KRABD1: variants seen among roughly 807,000 people sequenced by gnomAD.
KRABD1 encodes KRAB domain containing 1.
chr3:42,938,628 A>G, the KRABD1 span: 2 of 341,598 alleles, frequency 5.9e-6, no homozygotes, highest in Admixed American at 3.9e-5. Context: ...CTGAAATTAT[A>G]GTTTTCTCAG....
At chr3:42,939,904 T>G in the KRABD1 span, among the ~76,000 whole-genome samples, 5 of 152,346 alleles carry the variant, frequency 3.3e-5, no homozygotes, top group East Asian at 9.6e-4. Context: ...GTTTCTTATT[T>G]ATTGTAAGTC....
the KRABD1 span, chr3:42,941,468 G>A: frequency 8.9e-7 from 1 of 1,127,252 alleles, no homozygotes; most frequent in Non-Finnish European, 1.2e-6. Flanking sequence ...GAAAGCCCTG[G>A]TGTCTATTGA....
chr3:42,939,528 T>G, the KRABD1 span, among the ~76,000 whole-genome samples: 1 of 152,210 alleles, frequency 6.6e-6, no homozygotes, highest in African/African-American at 2.4e-5. Flanking sequence ...CAGTGAACAT[T>G]CTTATCTTTT....
At chr3:42,938,989 AT>A in the KRABD1 span, 1 of 1,244,356 alleles carries the variant, frequency 8.0e-7, no homozygotes, top group Non-Finnish European at 1.1e-6. Context: ...ATATGTGTTT[AT>A]TAGATACATA....
chr3:42,942,438 T>C, the KRABD1 span: 1 of 430,552 alleles, frequency 2.3e-6, no homozygotes, highest in Non-Finnish European at 4.1e-6. Flanking sequence ...GAAAAATTTA[T>C]TTTTGTTTTT....
the KRABD1 span, chr3:42,937,024 T>G: frequency 6.6e-6 from 1 of 152,212 alleles, no homozygotes; most frequent in Non-Finnish European, 1.5e-5. Flanking sequence ...ATAAGAATGT[T>G]AAATCTAAAA....
the KRABD1 span, among the ~76,000 whole-genome samples, chr3:42,940,264 G>A: frequency 6.6e-6 from 1 of 152,158 alleles, no homozygotes; most frequent in African/African-American, 2.4e-5. Context: ...TAGTTACTTT[G>A]TCATACATTT....
At chr3:42,939,020 C>A in the KRABD1 span, 1 of 939,574 alleles carries the variant, frequency 1.1e-6, no homozygotes, top group Non-Finnish European at 1.6e-6. Context: ...ATCTATATTA[C>A]ACATTTACAT....
the KRABD1 span, among the ~76,000 whole-genome samples, chr3:42,939,381 C>T: frequency 2.6e-5 from 4 of 152,280 alleles, no homozygotes; most frequent in Admixed American, 6.5e-5. Context: ...ACTTCACTGA[C>T]GTTGTTGCAC....
At chr3:42,942,777 C>T in the KRABD1 span, 1 of 374,904 alleles carries the variant, frequency 2.7e-6, no homozygotes, top group Non-Finnish European at 4.7e-6. Flanking sequence ...TAAAATAACT[C>T]ATTTTGATGT....
At chr3:42,937,058 C>T in the KRABD1 span, 14 of 152,318 alleles carry the variant, frequency 9.2e-5, no homozygotes, top group East Asian at 2.1e-3. Flanking sequence ...CCGTCATGCA[C>T]CTAATGTGTG....
At chr3:42,941,314 A>T in the KRABD1 span, 4 of 1,600,002 alleles carry the variant, frequency 2.5e-6, no homozygotes, top group Non-Finnish European at 2.5e-6. Flanking sequence ...TTGTACAGGG[A>T]TGTGATGCTG....
chr3:42,942,218 A>G, the KRABD1 span: 4 of 646,204 alleles, frequency 6.2e-6, no homozygotes, highest in South Asian at 1.8e-5. Flanking sequence ...TGTGTTATTC[A>G]TAGCTTCCCA....
At chr3:42,936,994 C>G in the KRABD1 span, 2 of 152,098 alleles carry the variant, frequency 1.3e-5, no homozygotes, top group African/African-American at 2.4e-5. Flanking sequence ...AATATGGAGC[C>G]CTGCGATCTG....
the KRABD1 span, chr3:42,938,926 C>CCCCATTTTCCT: frequency 6.5e-7 from 1 of 1,531,172 alleles, no homozygotes; most frequent in Admixed American, 2.0e-5. Context: ...AACAACCAGG[C>CCCCATTTTCCT]CCCAGGTGAG....
chr3:42,941,543 G>A, the KRABD1 span, among the ~76,000 whole-genome samples: 6 of 152,048 alleles, frequency 3.9e-5, no homozygotes, highest in African/African-American at 1.4e-4. Context: ...CTGCCTCAGA[G>A]GTGATTCTGA....
chr3:42,942,501 T>G, the KRABD1 span: 1 of 574,548 alleles, frequency 1.7e-6, no homozygotes, highest in Non-Finnish European at 2.8e-6. Flanking sequence ...CTGAAATATT[T>G]TAAGCTTACA....
At chr3:42,941,183 C>A in the KRABD1 span, 114 of 1,527,980 alleles carry the variant, frequency 7.5e-5, no homozygotes, top group Non-Finnish European at 9.8e-5. Flanking sequence ...TTGACCATCA[C>A]CAAAGTACTG....
At chr3:42,936,867 T>C in the KRABD1 span, 1 of 152,142 alleles carries the variant, frequency 6.6e-6, no homozygotes, top group African/African-American at 2.4e-5. Flanking sequence ...TGATCAGTTA[T>C]TTTCGCCTGC....
Sources: gnomAD v4.1 joint callset for allele counts (sites outside exome capture counted in the v4.1 genomes callset) on GRCh38, gnomAD v4.1.1 for gene constraint, MANE v1.5 for transcripts, NCBI Gene and HGNC (gene_info 2026-07-23, HGNC 2026-07-21) for gene names.